Variants in IGFN1 observed in about 807,000 individuals in gnomAD.
IGFN1 encodes immunoglobulin-like and fibronectin type III domain-containing protein 1.
In IGFN1, 253 loss-of-function variants were observed where a neutral mutation model predicts 289.5. That is an observed-to-expected ratio of 0.87 (90% CI 0.79 to 0.97). The LOEUF (loss-of-function observed/expected upper bound fraction) is 0.97, where lower values mean the gene tolerates loss of function less well. Among genes scored for constraint, IGFN1 ranks in the 50% least tolerant of loss-of-function variants. The pLI, the probability that IGFN1 is intolerant of heterozygous loss-of-function variation, is 0.00. For missense variants in IGFN1, 4,470 were observed against 4,686.1 expected, an observed-to-expected ratio of 0.95 and a Z score of 1.35; for synonymous variants, 1,706 against 1,788.5, an observed-to-expected ratio of 0.95 and a Z score of 1.16.
chr1:201,216,042 T>TG (rs993128759), intron 15 of IGFN1: 43 of 728,082 alleles, frequency 5.9e-5, no homozygotes, highest in African/African-American at 5.2e-5. Flanking sequence ...GGGCTCCTGC[T>TG]GGGGGGGAGG....
chr1:201,210,640 T>C lies in IGFN1; in HGVS notation c.5747T>C (p.Val1916Ala), dbSNP rs200871453. ...TTTAGGGATGGTTTAGGGAGTTCTG[T>C]AGAAATGGGGTCAGTGAATGAGGCA... ...AGFRDGLGSS[V>A]EMGSVNEAGY... The change falls in exon 12 of 24, where the codon GTA (valine) becomes GCA (alanine). Residue 1916 changes from valine to alanine, a missense_variant. Val to Ala is a moderately conservative substitution (Grantham distance 64). This residue lies in a region of IGFN1 where 108 missense variants were observed against 128.7 expected (regional missense o/e 0.84). Transcript: ENST00000335211. 1.0e-4 allele frequency: 138 copies of C among 1,341,734 alleles called. No individual in the cohort carries two copies. The highest frequency in any genetic ancestry group is 1.1e-4 in the Non-Finnish European group (118 of 1,031,382). 83.1% of individuals were successfully genotyped at this position (1,341,734 alleles called of 1,614,324 possible). A position where few individuals can be genotyped will look rare whatever the true frequency, so the allele number is the denominator to read the frequency against.
intron 8 of IGFN1, 62 bp downstream of exon 8, chr1:201,200,473 C>T (rs35998091): frequency 0.29 from 396,596 of 1,358,072 alleles, 64,944 homozygotes; most frequent in Non-Finnish European, 0.34. Flanking sequence ...ACCATAGGTG[C>T]CTCACACCTG....
chr1:201,215,048 C>A lies in IGFN1; in HGVS notation c.8889C>A (p.Asp2963Glu). 6.2e-7 allele frequency: 1 copy of A among 1,614,080 alleles called. No homozygotes were observed. Among genetic ancestry groups the A allele is most frequent in the Non-Finnish European group, 8.5e-7 (1 of 1,180,002 alleles). ...TTQDGVIFKQDGLVHSLFITH... is the reference protein window; with the variant it reads ...TTQDGVIFKQEGLVHSLFITH... Reference sequence around the variant, plus strand: ...AGGATGGAGTCATCTTTAAGCAAGACGGTCTCGTGCACAGCCTCTTCATCA... The same window carrying A: ...AGGATGGAGTCATCTTTAAGCAAGAAGGTCTCGTGCACAGCCTCTTCATCA... The change falls in exon 14 of 24, where the codon GAC becomes GAA. Residue 2963 changes from aspartate (D) to glutamate (E), a missense_variant. Physicochemically the swap from Asp to Glu is conservative, Grantham distance 45 (BLOSUM62 2). Around this residue, in one of 8 missense-constraint regions of IGFN1, gnomAD observed 2,218 missense variants for 2,114.1 expected, o/e 1.05. Coordinates refer to ENST00000335211, the MANE Select transcript of IGFN1 (RefSeq NM_001164586.2).
Position 201,197,200 on chromosome 1 carries a change from C to T in IGFN1, c.268-18C>T. On this transcript the variant is annotated intron_variant, in intron 4 of 23. Transcript: ENST00000335211. ...GGGATGTGGTAGCCCTGTTCCTCTG[C>T]CCTTGGCCTCTCTGCAGATCAACAA... The T allele has an allele frequency of 6.6e-7, 1 of 1,505,428 alleles. No individual in the cohort carries two copies. The highest frequency in any genetic ancestry group is 1.4e-5 in the African/African-American group (1 of 72,020). 93.3% of individuals were successfully genotyped at this position (1,505,428 alleles called of 1,614,324 possible).
intron 5 of IGFN1, among the ~76,000 whole-genome samples, chr1:201,197,809 G>C (rs1472089674): frequency 6.6e-6 from 1 of 152,200 alleles, no homozygotes; most frequent in Non-Finnish European, 1.5e-5. Flanking sequence ...GATATCTCTT[G>C]AGGAAGCAGG....
chr1:201,214,100 A>G lies in IGFN1; in HGVS notation c.8729-77A>G, dbSNP rs1481246430. On this transcript the variant is annotated intron_variant, in intron 12 of 23. Transcript: ENST00000335211. Reference sequence around the variant, plus strand: ...CCAGCCAAGCCCAGTTGGCAGGACCATGGTGGCCTTGCGGGGCACAGCGCA... The same window carrying G: ...CCAGCCAAGCCCAGTTGGCAGGACCGTGGTGGCCTTGCGGGGCACAGCGCA... The G allele has an allele frequency of 2.9e-5, 41 of 1,437,104 alleles. No individual in the cohort carries two copies. The South Asian group carries it at 3.6e-4, about 13-fold the overall frequency. 89.0% of individuals were successfully genotyped at this position (1,437,104 alleles called of 1,614,324 possible). A position where few individuals can be genotyped will look rare whatever the true frequency, so the allele number is the denominator to read the frequency against.
Position 201,226,776 on chromosome 1 carries a change from G to T in IGFN1, c.10787-106G>T, listed in dbSNP as rs1051721568. The T allele has an allele frequency of 3.5e-6, 3 of 852,474 alleles. No homozygotes were observed. In the African/African-American group the frequency reaches 5.1e-5, roughly 15 times the overall value. 52.8% of individuals were successfully genotyped at this position (852,474 alleles called of 1,614,324 possible). A position where few individuals can be genotyped will look rare whatever the true frequency, so the allele number is the denominator to read the frequency against. On this transcript the variant is annotated intron_variant, in intron 22 of 23. Coordinates refer to ENST00000335211, the MANE Select transcript of IGFN1 (RefSeq NM_001164586.2). ...AGGCAAGATGTGGCAGGAAATCCCA[G>T]ATAAGGCCTACATGGTAGCTTCATG...
intron 9 of IGFN1, among the ~76,000 whole-genome samples, chr1:201,203,179 A>C (rs1572172376): frequency 6.6e-6 from 1 of 152,230 alleles, no homozygotes; most frequent in Non-Finnish European, 1.5e-5. Flanking sequence ...ATGTGTCCTA[A>C]GTACCTGAAA....
At position 201,217,461 on chromosome 1, in the gene IGFN1, G is replaced by C; in HGVS notation, c.9769+1G>C. On this transcript the variant is annotated splice_donor_variant, in intron 17 of 23. Coordinates refer to ENST00000335211, the MANE Select transcript of IGFN1 (RefSeq NM_001164586.2). LOFTEE classifies it high-confidence loss of function. ...GCAGTGAACGACCAGCCGGTGCCTGGTGAGCATTGTCCTGGCTTCCAGAGC... is the reference window on the plus strand; with the variant it reads ...GCAGTGAACGACCAGCCGGTGCCTGCTGAGCATTGTCCTGGCTTCCAGAGC... 1 of 1,614,054 alleles carries C rather than the reference G, an allele frequency of 6.2e-7. No homozygotes were observed. Among genetic ancestry groups the C allele is most frequent in the Non-Finnish European group, 8.5e-7 (1 of 1,179,938 alleles).
In IGFN1 at chr1:201,194,185, G is replaced by A; in HGVS notation, c.39G>A (p.Val13=). ...GKLRKSHIPG[V]SIWQLVEEIP... is the part of the protein sequence containing the mutation. ...TCCGGAAGTCCCACATCCCTGGAGT[G>A]AGCATCTGGCAGCTGGTGGAGGAGA... Residue 13 remains valine, a synonymous_variant, in exon 3 of 24, where the codon GTG becomes GTA. Coordinates refer to ENST00000335211, the MANE Select transcript of IGFN1 (RefSeq NM_001164586.2). The A allele has an allele frequency of 6.4e-7, 1 of 1,551,664 alleles. No homozygotes were observed. The highest frequency in any genetic ancestry group is 8.7e-7 in the Non-Finnish European group (1 of 1,146,978).
intron 9 of IGFN1, among the ~76,000 whole-genome samples, chr1:201,202,155 C>T (rs947379): frequency 0.58 from 88,287 of 151,978 alleles, 25,855 homozygotes; most frequent in Middle Eastern, 0.65. Context: ...TGAGCTTTCT[C>T]TCCAGAGACT....
At position 201,208,199 on chromosome 1, in the gene IGFN1, GGGATGTGT is replaced by G; in HGVS notation, c.3310_3317del (p.Cys1104SerfsTer36). 6.5e-7 allele frequency: 1 copy of G among 1,536,928 alleles called. No homozygotes were observed. The highest frequency in any genetic ancestry group is 8.7e-7 in the Non-Finnish European group (1 of 1,146,830). ...CTGGAGTAGTGGAGACTGTTGGGATGGGATGTGTGGAAGCAGAACCAGAGAGCTCTGGA... is the reference window on the plus strand; with the variant it reads ...CTGGAGTAGTGGAGACTGTTGGGATGGGAAGCAGAACCAGAGAGCTCTGGA... On this transcript the variant is annotated frameshift_variant, in exon 12 of 24. Coordinates refer to ENST00000335211, the MANE Select transcript of IGFN1 (RefSeq NM_001164586.2). LOFTEE classifies it high-confidence loss of function.
Position 201,205,336 on chromosome 1 carries a change from G to A in IGFN1, c.1171G>A (p.Ala391Thr), listed in dbSNP as rs576389837. Residue 391 changes from alanine (A) to threonine (T), a missense_variant, in exon 11 of 24, where the codon GCC becomes ACC. Coordinates refer to ENST00000335211, the MANE Select transcript of IGFN1 (RefSeq NM_001164586.2). ...SLGTGLYTSS[A>T]WLVVEAGKDK... ...GGGCACCGGGCTCTACACTTCCAGC[G>A]CCTGGCTGGTGGTTGAAGGTGAGTG... 56 of 1,539,666 alleles carry A rather than the reference G, an allele frequency of 3.6e-5. No homozygotes were observed. Among genetic ancestry groups the A allele is most frequent in the Middle Eastern group, 1.7e-4 (1 of 5,970 alleles).
Position 201,207,922 on chromosome 1 carries a change from G to A in IGFN1, c.3029G>A (p.Arg1010Lys), listed in dbSNP as rs778339747. Residue 1010 changes from arginine (R) to lysine (K), a missense_variant, in exon 12 of 24, where the codon AGG becomes AAG. Coordinates refer to ENST00000335211, the MANE Select transcript of IGFN1 (RefSeq NM_001164586.2). Reference protein sequence around the residue: ...GVESEEGGGYRHGSGAPGGVW... With the variant: ...GVESEEGGGYKHGSGAPGGVW... Reference sequence around the variant, plus strand: ...GAGTCTGAGGAAGGGGGTGGGTACAGGCATGGCTCCGGAGCGCCTGGGGGA... The same window carrying A: ...GAGTCTGAGGAAGGGGGTGGGTACAAGCATGGCTCCGGAGCGCCTGGGGGA... 1.7e-5 allele frequency: 26 copies of A among 1,536,792 alleles called. No homozygotes were observed. The highest frequency in any genetic ancestry group is 5.9e-5 in the South Asian group (5 of 84,060).
At chr1:201,202,457 C>T (rs1239569798) in intron 9 of IGFN1, among the ~76,000 whole-genome samples, 1 of 152,088 alleles carries the variant, frequency 6.6e-6, no homozygotes, top group Non-Finnish European at 1.5e-5. Context: ...TGCTTCTCTT[C>T]CCCTTGTCCC....
intron 21 of IGFN1, among the ~76,000 whole-genome samples, chr1:201,225,122 C>A (rs956387361): frequency 6.6e-6 from 1 of 152,238 alleles, no homozygotes; most frequent in Non-Finnish European, 1.5e-5. Context: ...TCCTCTCCGA[C>A]CTCAGTTATC....
chr1:201,197,077 T>C lies in IGFN1; in HGVS notation c.268-141T>C, dbSNP rs1666952257. 6 of 571,310 alleles carry C rather than the reference T, an allele frequency of 1.1e-5. No homozygotes were observed. In the South Asian group the frequency reaches 1.2e-4, roughly 12 times the overall value. 35.4% of individuals were successfully genotyped at this position (571,310 alleles called of 1,614,324 possible). A position where few individuals can be genotyped will look rare whatever the true frequency, so the allele number is the denominator to read the frequency against. On this transcript the variant is annotated intron_variant, in intron 4 of 23. Transcript: ENST00000335211. ...AACCAGGTTTCTGTTTTGGGGTCTGTCTTTCCTGATAAAGACTGTGAGCTC... is the reference window on the plus strand; with the variant it reads ...AACCAGGTTTCTGTTTTGGGGTCTGCCTTTCCTGATAAAGACTGTGAGCTC...
intron 6 of IGFN1, 42 bp downstream of exon 6, chr1:201,199,420 GATAGGC>G: frequency 6.5e-7 from 1 of 1,534,548 alleles, no homozygotes; most frequent in Non-Finnish European, 8.8e-7. Context: ...GCCTGTGGGG[GATAGGC>G]TACTCCTTTC....
Position 201,206,354 on chromosome 1 carries a change from G to A in IGFN1, c.1461G>A (p.Gln487=). 6.4e-7 allele frequency: 1 copy of A among 1,550,494 alleles called. No individual in the cohort carries two copies. Among genetic ancestry groups the A allele is most frequent in the Non-Finnish European group, 8.7e-7 (1 of 1,146,988 alleles). Reference sequence around the variant, plus strand: ...CTGACTCAGCCTGGGGCCCTGGACAGGAGGGCGAGGGCTTTCCAGTAGCAG... The same window carrying A: ...CTGACTCAGCCTGGGGCCCTGGACAAGAGGGCGAGGGCTTTCCAGTAGCAG... The part of the protein sequence containing the change: ...GTADSAWGPG[Q]EGEGFPVAEG... Residue 487 remains glutamine, a synonymous_variant, in exon 12 of 24, where the codon CAG becomes CAA. Transcript: ENST00000335211.
Sources: allele counts gnomAD v4.1 joint callset (sites outside exome capture counted in the v4.1 genomes callset), GRCh38; gene constraint gnomAD v4.1.1; regional missense constraint gnomAD v4.1.1; transcripts MANE v1.5; gene names NCBI Gene and HGNC (gene_info 2026-07-23, HGNC 2026-07-21).